Variants in NPC1L1 observed in about 807,000 individuals in gnomAD.
NPC1L1 encodes the protein NPC1 like intracellular cholesterol transporter 1.
In NPC1L1, 98 loss-of-function variants were observed where a neutral mutation model predicts 117.0. The observed-to-expected ratio is 0.84, with a 90% CI of 0.71 to 0.99. The LOEUF is 0.99. NPC1L1 is among the 50% of genes least tolerant of loss of function. NPC1L1 has a pLI of 0.00. For missense variants in NPC1L1, 1,540 were observed against 1,710.0 expected, an observed-to-expected ratio of 0.90 and a Z score of 1.75; for synonymous variants, 729 against 727.6, an observed-to-expected ratio of 1.00 and a Z score of -0.03.
At position 44,520,785 on chromosome 7, in the gene NPC1L1, G is replaced by T; in HGVS notation, c.3116C>A (p.Thr1039Asn). 6.2e-7 allele frequency: 1 copy of T among 1,614,104 alleles called. No homozygotes were observed. The highest frequency in any genetic ancestry group is 8.5e-7 in the Non-Finnish European group (1 of 1,180,002). ...LAAYSTSVNL[T>N]SDGQVLASRF... is the part of the protein sequence containing the mutation. ...CTTACCTAAAACCTGGCCATCTGAA[G>T]TCAAGTTCACAGAGGTGCTGTATGC... The change falls in exon 14 of 19, where the codon ACT becomes AAT. Residue 1039 changes from threonine (T) to asparagine (N), a missense_variant. Thr to Asn is a moderately conservative substitution (Grantham distance 65, BLOSUM62 0). Transcript: ENST00000381160.
Position 44,516,889 on chromosome 7 carries a change from C to G in NPC1L1, c.3333G>C (p.Glu1111Asp). Residue 1111 changes from glutamate (E) to aspartate (D), a missense_variant, in exon 16 of 19, where the codon GAG (glutamate) becomes GAC (aspartate). Around this residue, in one of 3 missense-constraint regions of NPC1L1, gnomAD observed 742 missense variants for 873.6 expected, o/e 0.85. Transcript: ENST00000381160. ...FYEQYLTILP[E>D]GLFMLSLCLV... ...GGCAGAGGCTGAGCATGAAGAGCCCCTCAGGGAGGATGGTCAGGTACTGCT... is the reference window on the plus strand; with the variant it reads ...GGCAGAGGCTGAGCATGAAGAGCCCGTCAGGGAGGATGGTCAGGTACTGCT... The G allele has an allele frequency of 6.2e-7, 1 of 1,614,100 alleles. No homozygotes were observed. The highest frequency in any genetic ancestry group is 8.5e-7 in the Non-Finnish European group (1 of 1,180,010).
intron 14 of NPC1L1, among the ~76,000 whole-genome samples, chr7:44,518,995 C>T (rs924320328): frequency 1.3e-5 from 2 of 150,728 alleles, no homozygotes; most frequent in South Asian, 2.1e-4. Context: ...TTCTCTTTCT[C>T]TCTCTTTCTC....
At position 44,536,699 on chromosome 7, in the gene NPC1L1, G is replaced by C. The variant is rs1801905423; in HGVS notation, c.1681+143C>G. 3 of 781,514 alleles carry C rather than the reference G, an allele frequency of 3.8e-6. No individual in the cohort carries two copies. Among genetic ancestry groups the C allele is most frequent in the Non-Finnish European group, 6.7e-6 (3 of 451,120 alleles). The allele number at this position is 781,514 out of a possible 1,614,324, so 48.4% of individuals were successfully genotyped here. A position where few individuals can be genotyped will look rare whatever the true frequency, so the allele number is the denominator to read the frequency against. On this transcript the variant is annotated intron_variant, in intron 3 of 18. Coordinates refer to ENST00000381160, the MANE Select transcript of NPC1L1 (RefSeq NM_001101648.2). The surrounding 1 kb of genome is among the most constrained non-coding windows in gnomAD (Gnocchi z 4.7). ...AAGGAGATGGCAGAGAGAGGAAACA[G>C]GACAGGGTTGGCCTACAGCTTCCAG...
At chr7:44,524,575 T>G (rs1801452072) in intron 10 of NPC1L1, among the ~76,000 whole-genome samples, 1 of 151,948 alleles carries the variant, frequency 6.6e-6, no homozygotes, top group Non-Finnish European at 1.5e-5. Context: ...GCTAATATGG[T>G]GAAACCCTGT....
intron 17 of NPC1L1, 33 bp from the exon 18 acceptor site, chr7:44,515,998 C>T: frequency 6.4e-7 from 1 of 1,571,034 alleles, no homozygotes; most frequent in East Asian, 2.2e-5. Context: ...TCAGGCAGGG[C>T]ACAGGGCATC....
Position 44,515,915 on chromosome 7 carries a change from G to A in NPC1L1, c.3684C>T (p.Gly1228=). ...TCTGAATGAGCTGGGCCTTGGCGAGGCCCAGGACAAGGATGCCAGGCAGGT... is the reference window on the plus strand; with the variant it reads ...TCTGAATGAGCTGGGCCTTGGCGAGACCCAGGACAAGGATGCCAGGCAGGT... ...MTNLPGILVL[G]LAKAQLIQIF... Residue 1228 remains glycine, a synonymous_variant, in exon 18 of 19, where the codon GGC becomes GGT. Coordinates refer to ENST00000381160, the MANE Select transcript of NPC1L1 (RefSeq NM_001101648.2). 1 of 1,614,138 alleles carries A rather than the reference G, an allele frequency of 6.2e-7. No individual in the cohort carries two copies. Among genetic ancestry groups the A allele is most frequent in the Non-Finnish European group, 8.5e-7 (1 of 1,180,020 alleles).
intron 5 of NPC1L1, among the ~76,000 whole-genome samples, chr7:44,535,202 C>A (rs1487134376): frequency 6.6e-6 from 1 of 152,126 alleles, no homozygotes; most frequent in Non-Finnish European, 1.5e-5. Context: ...CCCATCTCTA[C>A]TAAAAACACA....
At chr7:44,516,280 G>T in intron 16 of NPC1L1, 83 bp from the exon 17 acceptor site, 2 of 1,157,668 alleles carry the variant, frequency 1.7e-6, no homozygotes, top group Non-Finnish European at 1.3e-6. Context: ...CAGGACCAGC[G>T]TGGGGCAGGC....
In NPC1L1 at chr7:44,516,146, T is replaced by C; in HGVS notation, c.3571A>G (p.Ile1191Val). ...TCCAGCCAGGTGGGCTTGGTGCTGA[T>C]GGCAAAGGAGCGGGTAATGTGGGAC... ...FVSHITRSFAISTKPTWLERA... is the reference protein window; with the variant it reads ...FVSHITRSFAVSTKPTWLERA... The change falls in exon 17 of 19, where the codon ATC (isoleucine) becomes GTC (valine). Residue 1191 changes from isoleucine (I) to valine (V), a missense_variant. Coordinates refer to ENST00000381160, the MANE Select transcript of NPC1L1 (RefSeq NM_001101648.2). 6.2e-7 allele frequency: 1 copy of C among 1,612,768 alleles called. No homozygotes were observed. The highest frequency in any genetic ancestry group is 8.5e-7 in the Non-Finnish European group (1 of 1,179,456).
rs996030131 is a variant in NPC1L1, at chr7:44,512,754, C to T, written c.*693G>A. On this transcript the variant is annotated 3_prime_UTR_variant, in exon 19 of 19. Coordinates refer to ENST00000381160, the MANE Select transcript of NPC1L1 (RefSeq NM_001101648.2). ...GGTGGCCTTGACTGGCAGCAACAGC[C>T]TTAATAAGTATTGGAGCTGGAGACC... 4 of 153,960 alleles carry T rather than the reference C, an allele frequency of 2.6e-5. No individual in the cohort carries two copies. The Middle Eastern group carries it at 0.01, about 393-fold the overall frequency. 9.5% of individuals were successfully genotyped at this position (153,960 alleles called of 1,614,324 possible).
intron 18 of NPC1L1, among the ~76,000 whole-genome samples, chr7:44,515,064 A>C (rs1801144379): frequency 6.6e-6 from 1 of 152,080 alleles, no homozygotes. Flanking sequence ...TAACAAATTT[A>C]AAGTAAAATA....
rs778335268 is a variant in NPC1L1, at chr7:44,522,247, G to T, written c.2638-5C>A. The stretch of plus-strand genomic sequence containing the variant: ...ATAGTCAAGCAGGTACGAGTCCTAG[G>T]AGTGGAGGAGGGTCAGTGAGCTTTG... On this transcript the variant is annotated splice_region_variant and splice_polypyrimidine_tract_variant and intron_variant, in intron 10 of 18. Coordinates refer to ENST00000381160, the MANE Select transcript of NPC1L1 (RefSeq NM_001101648.2). The T allele has an allele frequency of 6.2e-7, 1 of 1,611,546 alleles. No individual in the cohort carries two copies. The highest frequency in any genetic ancestry group is 8.5e-7 in the Non-Finnish European group (1 of 1,179,156).
Position 44,534,766 on chromosome 7 carries a change from G to A in NPC1L1, c.1984-137C>T. ...TGCCCGATACTGCCCCCAGTGGTGA[G>A]GAGCTCACATCTCACATTAAAGCCC... On this transcript the variant is annotated intron_variant, in intron 5 of 18. Transcript: ENST00000381160. This position sits in a 1 kb window ranked among gnomAD's most constrained non-coding sequence, Gnocchi z 5.2. 7.3e-6 allele frequency: 6 copies of A among 823,488 alleles called. No homozygotes were observed. The highest frequency in any genetic ancestry group is 1.1e-5 in the Non-Finnish European group (6 of 522,736). The allele number at this position is 823,488 out of a possible 1,614,324, so 51.0% of individuals were successfully genotyped here.
chr7:44,518,772 G>C, intron 14 of NPC1L1: 3 of 1,077,072 alleles, frequency 2.8e-6, no homozygotes, highest in Non-Finnish European at 3.5e-6. Context: ...GAAGAGAAAT[G>C]TTCTTGGATA....
Position 44,516,948 on chromosome 7 carries a change from G to A in NPC1L1, c.3288-14C>T. On this transcript the variant is annotated splice_polypyrimidine_tract_variant and intron_variant, in intron 15 of 18. Coordinates refer to ENST00000381160, the MANE Select transcript of NPC1L1 (RefSeq NM_001101648.2). ...ACATTGGTGATCCTGCCAGAGCACAGAGCATGGTCACAGGCTCAGGCCTCT... is the reference window on the plus strand; with the variant it reads ...ACATTGGTGATCCTGCCAGAGCACAAAGCATGGTCACAGGCTCAGGCCTCT... The A allele has an allele frequency of 6.2e-7, 1 of 1,608,764 alleles. No homozygotes were observed. Among genetic ancestry groups the A allele is most frequent in the Non-Finnish European group, 8.5e-7 (1 of 1,177,322 alleles).
chr7:44,514,996 G>T (rs930590918), intron 18 of NPC1L1, among the ~76,000 whole-genome samples: 3 of 151,902 alleles, frequency 2.0e-5, no homozygotes, highest in African/African-American at 7.2e-5. Context: ...CTGGGCAACA[G>T]AGCGAGACTC....
intron 10 of NPC1L1, among the ~76,000 whole-genome samples, chr7:44,530,215 G>A (rs923577021): frequency 6.6e-6 from 1 of 152,120 alleles, no homozygotes; most frequent in African/African-American, 2.4e-5. Flanking sequence ...GCGGCCACCT[G>A]TAATCCCAGT....
Position 44,536,427 on chromosome 7 carries a change from T to A in NPC1L1, c.1683A>T (p.Gly561=), listed in dbSNP as rs1337757274. 1.9e-6 allele frequency: 3 copies of A among 1,611,510 alleles called. No individual in the cohort carries two copies. The highest frequency in any genetic ancestry group is 2.5e-6 in the Non-Finnish European group (3 of 1,180,012). Residue 561 remains glycine, a splice_region_variant and synonymous_variant, in exon 4 of 19, where the codon GGA becomes GGT. Transcript: ENST00000381160. The surrounding 1 kb of genome is among the most constrained non-coding windows in gnomAD (Gnocchi z 4.7). The part of the protein sequence containing the change: ...FPFLAIGGYK[G]KDYSEAEALI... ...GGGCCTCTGCCTCAGAATAGTCCTT[T>A]CCTGGGATAAGAAATACTCAGACCC...
In NPC1L1 at chr7:44,515,968, G is replaced by C. The variant is rs74971088; in HGVS notation, c.3634-3C>G. On this transcript the variant is annotated splice_polypyrimidine_tract_variant and splice_region_variant and intron_variant, in intron 17 of 18. Transcript: ENST00000381160. The stretch of plus-strand genomic sequence containing the variant: ...GTCATGGCCACACCTGCAAACACCT[G>C]GGGGGTTCAGAGCCAGGTGTCAGGC... 2 of 1,613,666 alleles carry C rather than the reference G, an allele frequency of 1.2e-6. No homozygotes were observed. Among genetic ancestry groups the C allele is most frequent in the African/African-American group, 2.7e-5 (2 of 74,914 alleles).
Sources: allele counts gnomAD v4.1 joint callset (sites outside exome capture counted in the v4.1 genomes callset), GRCh38; gene constraint gnomAD v4.1.1; regional missense constraint gnomAD v4.1.1; non-coding constraint Gnocchi (gnomAD v3.1); transcripts MANE v1.5; gene names NCBI Gene and HGNC (gene_info 2026-07-23, HGNC 2026-07-21).